PGR: variants seen among roughly 807,000 people sequenced by gnomAD.
PGR encodes the protein nuclear receptor subfamily 3 group C member 3.
PGR carries 25 observed loss-of-function variants against 76.1 expected under a neutral mutation model. The observed-to-expected ratio is 0.33, with a 90% CI of 0.24 to 0.46. The LOEUF is 0.46. PGR is among the 20% of genes least tolerant of loss of function. The pLI is 1.00. For synonymous variants in PGR, 579 were observed against 535.0 expected (o/e 1.08, Z -1.14); for missense variants, 1,172 against 1,225.3 (o/e 0.96, Z 0.65).
intron 2 of PGR, among the ~76,000 whole-genome samples, chr11:101,102,955 T>A (rs114392350): frequency 0.015 from 2,243 of 151,980 alleles, 62 homozygotes; most frequent in African/African-American, 0.049. Flanking sequence ...GAGCACAACC[T>A]AGATCCCTGG....
At chr11:101,080,283 C>A (rs1861260012) in intron 3 of PGR, among the ~76,000 whole-genome samples, 1 of 152,072 alleles carries the variant, frequency 6.6e-6, no homozygotes, top group African/African-American at 2.4e-5. Flanking sequence ...TACGTGCCGC[C>A]TATGGGCCTG....
rs1859369080 is a variant in PGR at position 101,032,004 on chromosome 11, T to G, written c.*7112A>C. ...TGCAAAGGTAGGGATATAGGTGGAGTGGTACAGATTGTTTGGACAGATAGA... is the reference window on the plus strand; with the variant it reads ...TGCAAAGGTAGGGATATAGGTGGAGGGGTACAGATTGTTTGGACAGATAGA... On this transcript the variant is annotated 3_prime_UTR_variant, in exon 8 of 8. Coordinates refer to ENST00000325455, the MANE Select transcript of PGR (RefSeq NM_000926.4). The G allele has an allele frequency of 4.3e-6, 1 of 232,510 alleles. No homozygotes were observed. Among genetic ancestry groups the G allele is most frequent in the Admixed American group, 5.6e-5 (1 of 17,754 alleles). The allele number at this position is 232,510 out of a possible 1,614,324, so 14.4% of individuals were successfully genotyped here. A position where few individuals can be genotyped will look rare whatever the true frequency, so the allele number is the denominator to read the frequency against.
chr11:101,048,559 G>C (rs1565331222), intron 6 of PGR, among the ~76,000 whole-genome samples: 2 of 152,074 alleles, frequency 1.3e-5, no homozygotes, highest in Non-Finnish European at 2.9e-5. Context: ...TAAGTGTTTT[G>C]TATCTAAACA....
chr11:101,121,996 A>G (rs1862692832), intron 2 of PGR, among the ~76,000 whole-genome samples: 2 of 152,044 alleles, frequency 1.3e-5, no homozygotes, highest in Admixed American at 1.3e-4. Context: ...CTACTAAAAA[A>G]TACAAAAAAT....
chr11:101,113,666 C>A (rs145563405), intron 2 of PGR, among the ~76,000 whole-genome samples: 1 of 152,102 alleles, frequency 6.6e-6, no homozygotes, highest in Non-Finnish European at 1.5e-5. Context: ...AAAATGTAAA[C>A]AGCAAAAATT....
intron 2 of PGR, among the ~76,000 whole-genome samples, chr11:101,110,018 T>C (rs1862294840): frequency 6.6e-6 from 1 of 152,120 alleles, no homozygotes; most frequent in Admixed American, 6.5e-5. Context: ...TGACAGCACA[T>C]CTATTTACAG....
At chr11:101,097,173 TTA>T (rs1268614992) in intron 2 of PGR, among the ~76,000 whole-genome samples, 1 of 152,146 alleles carries the variant, frequency 6.6e-6, no homozygotes, top group Non-Finnish European at 1.5e-5. Context: ...GTTCAAACTG[TTA>T]TGTCTTTTCT....
chr11:101,118,805 C>T (rs1439837772), intron 2 of PGR, among the ~76,000 whole-genome samples: 2 of 152,156 alleles, frequency 1.3e-5, no homozygotes, highest in African/African-American at 2.4e-5. Flanking sequence ...CATCTAGCCA[C>T]AAGAAGGATA....
At chr11:101,098,713 G>A (rs1861911489) in intron 2 of PGR, among the ~76,000 whole-genome samples, 2 of 152,158 alleles carry the variant, frequency 1.3e-5, no homozygotes, top group African/African-American at 4.8e-5. Flanking sequence ...GATAAGAAAT[G>A]GGGTTTAAAG....
At position 101,038,967 on chromosome 11, in the gene PGR, C is replaced by A. The variant is rs1859603907; in HGVS notation, c.*149G>T. 4 of 574,036 alleles carry A rather than the reference C, an allele frequency of 7.0e-6. No homozygotes were observed. Among genetic ancestry groups the A allele is most frequent in the Non-Finnish European group, 9.2e-6 (3 of 327,362 alleles). 35.6% of individuals were successfully genotyped at this position (574,036 alleles called of 1,614,324 possible). A position where few individuals can be genotyped will look rare whatever the true frequency, so the allele number is the denominator to read the frequency against. ...CTTTATAAAAGAAAATAATTAGAAC[C>A]TCACAATTTTTCTTTTAAATTTACA... is the stretch of plus-strand genomic sequence containing the variant. On this transcript the variant is annotated 3_prime_UTR_variant, in exon 8 of 8. Transcript: ENST00000325455.
At position 101,129,338 on chromosome 11, in the gene PGR, A is replaced by C. The variant is rs1029860546; in HGVS notation, c.-268T>G. On this transcript the variant is annotated 5_prime_UTR_variant, in exon 1 of 8. Transcript: ENST00000325455. ...GTGGGGAGCGCAAGAAAAAGTAGTA[A>C]TTGTTAGGAGATCTCGTCTCCTAAC... The C allele has an allele frequency of 7.6e-5, 34 of 449,432 alleles. No individual in the cohort carries two copies. In the Middle Eastern group the frequency reaches 1.7e-3, roughly 23 times the overall value. The allele number at this position is 449,432 out of a possible 1,614,324, so 27.8% of individuals were successfully genotyped here.
At position 101,042,008 on chromosome 11, in the gene PGR, T is replaced by G; in HGVS notation, c.2583A>C (p.Lys861Asn). 1 of 1,613,584 alleles carries G rather than the reference T, an allele frequency of 6.2e-7. No individual in the cohort carries two copies. Among genetic ancestry groups the G allele is most frequent in the Non-Finnish European group, 8.5e-7 (1 of 1,179,672 alleles). The change falls in exon 7 of 8, where the codon AAA becomes AAC. Residue 861 changes from lysine to asparagine, a missense_variant. Lys to Asn is a moderately conservative substitution (Grantham distance 94). Coordinates refer to ENST00000325455, the MANE Select transcript of PGR (RefSeq NM_000926.4). ...ELIKAIGLRQ[K>N]GVVSSSQRFY... ...AACGCTGTGAGCTCGACACAACTCC[T>G]TTTTGCCTCAAACCAATTGCCTTGA... is the stretch of plus-strand genomic sequence containing the variant.
At chr11:101,108,188 A>T (rs1862235381) in intron 2 of PGR, among the ~76,000 whole-genome samples, 1 of 149,620 alleles carries the variant, frequency 6.7e-6, no homozygotes, top group South Asian at 2.1e-4. Flanking sequence ...TGGGAGGCAG[A>T]GGTTGCAGTG....
At chr11:101,091,012 A>C (rs1037201802) in intron 3 of PGR, among the ~76,000 whole-genome samples, 1 of 152,196 alleles carries the variant, frequency 6.6e-6, no homozygotes, top group African/African-American at 2.4e-5. Flanking sequence ...TTATGTTTTT[A>C]AAAAGTTATA....
chr11:101,033,394 A>G lies in PGR; in HGVS notation c.*5722T>C, dbSNP rs908236779. 3 of 194,222 alleles carry G rather than the reference A, an allele frequency of 1.5e-5. No individual in the cohort carries two copies. The highest frequency in any genetic ancestry group is 6.9e-5 in the African/African-American group (3 of 43,170). The allele number at this position is 194,222 out of a possible 1,614,324, so 12.0% of individuals were successfully genotyped here. A position where few individuals can be genotyped will look rare whatever the true frequency, so the allele number is the denominator to read the frequency against. On this transcript the variant is annotated 3_prime_UTR_variant, in exon 8 of 8. Transcript: ENST00000325455. ...TGAATTTTAAAGCCCTTAGAAAAAG[A>G]TAACTTAATTGTATGTAATATATTA...
intron 3 of PGR, among the ~76,000 whole-genome samples, chr11:101,064,958 G>T (rs1860662547): frequency 6.6e-6 from 1 of 152,192 alleles, no homozygotes; most frequent in Non-Finnish European, 1.5e-5. Context: ...GTATCGGTTT[G>T]TAGCCCAGGA....
At chr11:101,108,691 T>C (rs753175052) in intron 2 of PGR, among the ~76,000 whole-genome samples, 6 of 152,212 alleles carry the variant, frequency 3.9e-5, no homozygotes, top group Non-Finnish European at 7.3e-5. Flanking sequence ...TAGGTATCTT[T>C]AGGAAAGTTA....
At chr11:101,070,167 T>C (rs1413122346) in intron 3 of PGR, among the ~76,000 whole-genome samples, 2 of 151,958 alleles carry the variant, frequency 1.3e-5, no homozygotes, top group African/African-American at 4.8e-5. Context: ...CTACAGCCCA[T>C]GGAGAGCGAG....
intron 4 of PGR, among the ~76,000 whole-genome samples, chr11:101,057,888 A>C (rs1158738735): frequency 6.6e-6 from 1 of 152,158 alleles, no homozygotes; most frequent in Non-Finnish European, 1.5e-5. Context: ...AGTTTTGTAG[A>C]GGGTCTGGCT....
Sources: allele counts gnomAD v4.1 joint callset (sites outside exome capture counted in the v4.1 genomes callset), GRCh38; gene constraint gnomAD v4.1.1; transcripts MANE v1.5; gene names NCBI Gene and HGNC (gene_info 2026-07-23, HGNC 2026-07-21).